The following ZNF10 variants were observed in gnomAD, a reference collection of about 807,000 sequenced individuals.
ZNF10 encodes zinc finger protein 10.
Under a neutral mutation model 12.2 loss-of-function variants are expected in ZNF10, and 8 were observed. The ratio of observed to expected loss-of-function variants is 0.66; its 90% CI spans 0.39 to 1.18. The LOEUF (loss-of-function observed/expected upper bound fraction) is 1.18. Ranked by LOEUF, ZNF10 falls within the 50% of genes most tolerant of loss-of-function variation. The pLI, the probability that ZNF10 is intolerant of heterozygous loss-of-function variation, is 0.01. For synonymous variants in ZNF10, 229 were observed against 228.2 expected (o/e 1.00, Z -0.03); for missense variants, 603 against 678.9 (o/e 0.89, Z 1.24).
Position 133,155,563 on chromosome 12 carries a change from A to G in ZNF10, c.317A>G (p.Lys106Arg). Residue 106 changes from lysine (K) to arginine (R), a missense_variant, in exon 5 of 5, where the codon AAG becomes AGG. Physicochemically the swap from Lys to Arg is conservative, Grantham distance 26. Coordinates refer to ENST00000248211, the MANE Select transcript of ZNF10 (RefSeq NM_015394.5). ...SVSSRSIFKDKQSCDIKMEGM... is the reference protein window; with the variant it reads ...SVSSRSIFKDRQSCDIKMEGM... ...TCCAGCAGGAGCATTTTTAAAGATA[A>G]GCAATCCTGTGACATTAAAATGGAA... The G allele has an allele frequency of 6.2e-7, 1 of 1,606,418 alleles. No individual in the cohort carries two copies. The highest frequency in any genetic ancestry group is 8.5e-7 in the Non-Finnish European group (1 of 1,178,062).
At position 133,156,867 on chromosome 12, in the gene ZNF10, G is replaced by A; in HGVS notation, c.1621G>A (p.Gly541Arg). The A allele has an allele frequency of 6.6e-7, 1 of 1,524,420 alleles. No individual in the cohort carries two copies. The highest frequency in any genetic ancestry group is 8.8e-7 in the Non-Finnish European group (1 of 1,139,112). The allele number at this position is 1,524,420 out of a possible 1,614,324, so 94.4% of individuals were successfully genotyped here. A position where few individuals can be genotyped will look rare whatever the true frequency, so the allele number is the denominator to read the frequency against. Reference protein sequence around the residue: ...PFIVHQIAHTGEQFLTCNQCG... With the variant: ...PFIVHQIAHTREQFLTCNQCG... The stretch of plus-strand genomic sequence containing the variant: ...TATAGTTCATCAAATAGCTCACACT[G>A]GAGAGCAGTTCTTAACATGCAATCA... The change falls in exon 5 of 5, where the codon GGA becomes AGA. Residue 541 changes from glycine (G) to arginine (R), a missense_variant. Around this residue, in one of 3 missense-constraint regions of ZNF10, gnomAD observed 204 missense variants for 262.8 expected, o/e 0.78. Transcript: ENST00000248211.
At chr12:133,154,245 T>C (rs2135464902) in intron 4 of ZNF10, among the ~76,000 whole-genome samples, 1 of 152,262 alleles carries the variant, frequency 6.6e-6, no homozygotes, top group Middle Eastern at 3.4e-3. Context: ...TGAAAGACAT[T>C]GAGAAACAGA....
At chr12:133,136,751 A>G (rs1042065809) in intron 1 of ZNF10, among the ~76,000 whole-genome samples, 1 of 152,296 alleles carries the variant, frequency 6.6e-6, no homozygotes, top group East Asian at 1.9e-4. Context: ...TACTTCACCT[A>G]TATCTTATAG....
intron 2 of ZNF10, chr12:133,144,836 C>G (rs1320974654): frequency 2.1e-6 from 1 of 485,792 alleles, no homozygotes; most frequent in East Asian, 5.8e-5. Flanking sequence ...AAAAGATCAA[C>G]TCATGCTGAC....
intron 4 of ZNF10, 36 bp from the exon 5 acceptor site, chr12:133,155,467 C>G: frequency 1.3e-6 from 2 of 1,544,498 alleles, no homozygotes; most frequent in Non-Finnish European, 1.7e-6. Context: ...CCTTAATACT[C>G]TGTTTAGTTA....
chr12:133,150,036 A>G (rs1316937382), intron 2 of ZNF10, among the ~76,000 whole-genome samples: 1 of 152,224 alleles, frequency 6.6e-6, no homozygotes, highest in Non-Finnish European at 1.5e-5. Context: ...AGTTGTGTGT[A>G]CGTTGAAAAA....
intron 3 of ZNF10, among the ~76,000 whole-genome samples, 183 bp from the exon 4 acceptor site, chr12:133,151,626 G>C (rs1380394706): frequency 6.6e-6 from 1 of 152,098 alleles, no homozygotes; most frequent in Non-Finnish European, 1.5e-5. Flanking sequence ...CCTGGCAACA[G>C]AGAGAGACTC....
Position 133,140,467 on chromosome 12 carries a change from C to T in ZNF10, c.-59-3967C>T, listed in dbSNP as rs569648603. Among the ~76,000 whole-genome samples the T allele has an allele frequency of 4.8e-5, 7 of 145,082 alleles. No homozygotes were observed. The East Asian group carries it at 1.2e-3, about 25-fold the overall frequency. On this transcript the variant is annotated intron_variant, in intron 1 of 4. Transcript: ENST00000248211. ...TTTTTAAATAAGTCTTACCACGTGTCAGGCACCATTCTATGTTTTACAAAT... is the reference window on the plus strand; with the variant it reads ...TTTTTAAATAAGTCTTACCACGTGTTAGGCACCATTCTATGTTTTACAAAT...
rs80141662 is a variant in ZNF10 at position 133,146,453 on chromosome 12, A to G, written c.33+1928A>G. On this transcript the variant is annotated intron_variant, in intron 2 of 4. Transcript: ENST00000248211. ...ACAGATCTCATAGGACATTCCATTT[A>G]AAATTTTTTTTTTACATACAGTAAC... 4.8e-4 allele frequency among the ~76,000 whole-genome samples: 73 copies of G among 152,304 alleles called. 2 individuals are homozygous for G. The East Asian group carries it at 0.014, about 29-fold the overall frequency.
intron 2 of ZNF10, among the ~76,000 whole-genome samples, chr12:133,146,123 A>C (rs2135461511): frequency 6.6e-6 from 1 of 152,324 alleles, no homozygotes; most frequent in Middle Eastern, 3.4e-3. Flanking sequence ...CTTCAGTAAT[A>C]CGAGAATGAG....
At chr12:133,148,055 A>G (rs1955986235) in intron 2 of ZNF10, among the ~76,000 whole-genome samples, 1 of 152,018 alleles carries the variant, frequency 6.6e-6, no homozygotes, top group Non-Finnish European at 1.5e-5. Context: ...TTCTCTTAGC[A>G]ATGTCTTTTG....
Position 133,156,795 on chromosome 12 carries a change from T to C in ZNF10, c.1549T>C (p.Tyr517His). 1 of 1,566,084 alleles carries C rather than the reference T, an allele frequency of 6.4e-7. No homozygotes were observed. Among genetic ancestry groups the C allele is most frequent in the Non-Finnish European group, 8.6e-7 (1 of 1,159,194 alleles). The change falls in exon 5 of 5, where the codon TAT (tyrosine) becomes CAT (histidine). Residue 517 changes from tyrosine to histidine, a missense_variant. Physicochemically the swap from Tyr to His is moderately conservative, Grantham distance 83. Around this residue, in one of 3 missense-constraint regions of ZNF10, gnomAD observed 204 missense variants for 262.8 expected, o/e 0.78. Transcript: ENST00000248211. ...HQRIHVGEET[Y>H]KCNQCGIIFS... ...GAGAATTCATGTTGGAGAAGAGACC[T>C]ATAAATGTAATCAATGTGGCATTAT...
intron 2 of ZNF10, among the ~76,000 whole-genome samples, chr12:133,148,273 A>C (rs1026685711): frequency 3.3e-5 from 5 of 152,074 alleles, no homozygotes; most frequent in Non-Finnish European, 7.4e-5. Flanking sequence ...TGTGTGCATC[A>C]CCATGCCCAG....
At chr12:133,134,352 C>G (rs1396127675) in intron 1 of ZNF10, among the ~76,000 whole-genome samples, 5 of 151,810 alleles carry the variant, frequency 3.3e-5, no homozygotes, top group Admixed American at 3.3e-4. Context: ...GGTTAGCAAT[C>G]AGGGAAATAT....
At chr12:133,142,332 C>T (rs1372206429) in intron 1 of ZNF10, among the ~76,000 whole-genome samples, 2 of 144,832 alleles carry the variant, frequency 1.4e-5, no homozygotes, top group Non-Finnish European at 3.0e-5. Flanking sequence ...ATTGCTTGAA[C>T]CTGGGAGGTG....
At chr12:133,154,700 A>G (rs1376948551) in intron 4 of ZNF10, among the ~76,000 whole-genome samples, 1 of 152,060 alleles carries the variant, frequency 6.6e-6, no homozygotes, top group African/African-American at 2.4e-5. Context: ...CTGTTGTGTC[A>G]CTCATCTGGG....
Position 133,158,040 on chromosome 12 carries a change from T to G in ZNF10, c.*1072T>G, listed in dbSNP as rs1956052714. 6.6e-6 allele frequency: 1 copy of G among 152,226 alleles called. No individual in the cohort carries two copies. 9.4% of individuals were successfully genotyped at this position (152,226 alleles called of 1,614,324 possible). A position where few individuals can be genotyped will look rare whatever the true frequency, so the allele number is the denominator to read the frequency against. ...ATCTTTATAAAGAAAGATTAGTGTTTAAGAGCGTAGACTTGAGCTAGACTA... is the reference window on the plus strand; with the variant it reads ...ATCTTTATAAAGAAAGATTAGTGTTGAAGAGCGTAGACTTGAGCTAGACTA... On this transcript the variant is annotated 3_prime_UTR_variant, in exon 5 of 5. Transcript: ENST00000248211.
At chr12:133,146,717 G>A (rs1955978315) in intron 2 of ZNF10, among the ~76,000 whole-genome samples, 2 of 151,994 alleles carry the variant, frequency 1.3e-5, no homozygotes, top group Admixed American at 1.3e-4. Flanking sequence ...ACAGTGGCGG[G>A]CGCCTATAAA....
rs1250677783 is a variant in ZNF10 at position 133,159,213 on chromosome 12, CAGAA to C, written c.*2247_*2250del. The stretch of plus-strand genomic sequence containing the variant: ...TTAAGGGTCTAACTTGTAATGAAGA[CAGAA>C]ATATGTATGAGGATGATCACTGAAA... On this transcript the variant is annotated 3_prime_UTR_variant, in exon 5 of 5. Coordinates refer to ENST00000248211, the MANE Select transcript of ZNF10 (RefSeq NM_015394.5). 1 of 152,136 alleles carries C rather than the reference CAGAA, an allele frequency of 6.6e-6. No individual in the cohort carries two copies. The highest frequency in any genetic ancestry group is 2.4e-5 in the African/African-American group (1 of 41,428). The allele number at this position is 152,136 out of a possible 1,614,324, so 9.4% of individuals were successfully genotyped here. A position where few individuals can be genotyped will look rare whatever the true frequency, so the allele number is the denominator to read the frequency against.
Sources: allele counts gnomAD v4.1 joint callset (sites outside exome capture counted in the v4.1 genomes callset), GRCh38; gene constraint gnomAD v4.1.1; regional missense constraint gnomAD v4.1.1; transcripts MANE v1.5; gene names NCBI Gene and HGNC (gene_info 2026-07-23, HGNC 2026-07-21).